The following PCDHGA9 variants were observed in gnomAD, a reference collection of about 807,000 sequenced individuals.
PCDHGA9 encodes protocadherin gamma-A9.
In PCDHGA9, 37 loss-of-function variants were observed where a neutral mutation model predicts 62.5. The observed-to-expected ratio is 0.59, with a 90% CI of 0.46 to 0.78. The LOEUF is 0.78. Ranked by LOEUF, PCDHGA9 falls within the 30% of genes least tolerant of loss-of-function variation. PCDHGA9 has a pLI of 0.00. For synonymous variants in PCDHGA9, 459 were observed against 484.6 expected (o/e 0.95, Z 0.69); for missense variants, 1,138 against 1,166.2 (o/e 0.98, Z 0.35).
At chr5:141,508,029 A>C (rs941166006) in intron 3 of PCDHGA9, 10 of 152,264 alleles carry the variant, frequency 6.6e-5, no homozygotes, top group African/African-American at 2.4e-4. Flanking sequence ...TGCGGTTTGC[A>C]GCTCAGCCAG....
chr5:141,478,671 A>G (rs996413401), intron 1 of PCDHGA9: 19 of 1,551,538 alleles, frequency 1.2e-5, no homozygotes, highest in Non-Finnish European at 1.7e-5. Context: ...TCACACTTTC[A>G]ACTGGCCCTT....
At position 141,431,906 on chromosome 5, in the gene PCDHGA9, A is replaced by G; in HGVS notation, c.2424+26530A>G. 1 of 1,613,868 alleles carries G rather than the reference A, an allele frequency of 6.2e-7. No individual in the cohort carries two copies. Among genetic ancestry groups the G allele is most frequent in the Non-Finnish European group, 8.5e-7 (1 of 1,179,692 alleles). On this transcript the variant is annotated intron_variant, in intron 1 of 3. Transcript: ENST00000573521. This position sits in a 1 kb window ranked among gnomAD's most constrained non-coding sequence, Gnocchi z 4.8. ...AGATTCTGAGGAAAACGGACAGGTG[A>G]TCTGTTTCATCCAAGGAAATCTGCC...
intron 1 of PCDHGA9, chr5:141,427,048 C>T (rs1257232583): frequency 4.4e-6 from 2 of 457,350 alleles, no homozygotes; most frequent in South Asian, 1.5e-5. Context: ...AATGTGCCCC[C>T]AGGCACCTCT....
intron 1 of PCDHGA9, chr5:141,415,943 T>A: frequency 1.8e-6 from 1 of 552,806 alleles, no homozygotes; most frequent in Non-Finnish European, 2.7e-6. Flanking sequence ...TCCTCCTGGG[T>A]GGTCACATAT....
At position 141,486,543 on chromosome 5, in the gene PCDHGA9, A is replaced by G; in HGVS notation, c.2425-8264A>G. Reference sequence around the variant, plus strand: ...AATGATAATCCACCCTCTTTCTTTCAGAGGTCACATGAGGTGTTTGTTCCT... The same window carrying G: ...AATGATAATCCACCCTCTTTCTTTCGGAGGTCACATGAGGTGTTTGTTCCT... On this transcript the variant is annotated intron_variant, in intron 1 of 3. Transcript: ENST00000573521. This position sits in a 1 kb window ranked among gnomAD's most constrained non-coding sequence, Gnocchi z 5.0. 6.2e-7 allele frequency: 1 copy of G among 1,614,080 alleles called. No individual in the cohort carries two copies. Among genetic ancestry groups the G allele is most frequent in the Non-Finnish European group, 8.5e-7 (1 of 1,180,020 alleles).
rs145936007 is a variant in PCDHGA9, at chr5:141,490,795, C to T, written c.2425-4012C>T. 2.0e-5 allele frequency: 33 copies of T among 1,614,036 alleles called. No homozygotes were observed. Among genetic ancestry groups the T allele is most frequent in the Non-Finnish European group, 2.8e-5 (33 of 1,179,922 alleles). ...CCCAGAGGATGGACGGATCTTTGCC[C>T]AGCGTACCTTTGACTATGAATTGCT... On this transcript the variant is annotated intron_variant, in intron 1 of 3. Coordinates refer to ENST00000573521, the MANE Select transcript of PCDHGA9 (RefSeq NM_018921.3). This position sits in a 1 kb window ranked among gnomAD's most constrained non-coding sequence, Gnocchi z 5.4.
chr5:141,422,499 A>G lies in PCDHGA9; in HGVS notation c.2424+17123A>G. 3 of 1,614,036 alleles carry G rather than the reference A, an allele frequency of 1.9e-6. No homozygotes were observed. The South Asian group carries it at 3.3e-5, about 18-fold the overall frequency. On this transcript the variant is annotated intron_variant, in intron 1 of 3. Coordinates refer to ENST00000573521, the MANE Select transcript of PCDHGA9 (RefSeq NM_018921.3). ...TCCAGAGCTACAATATAACGTTGAC[A>G]GCCACAGACCAGGGAAGCCCGCCTT...
rs181806844 is a variant in PCDHGA9 at position 141,445,046 on chromosome 5, G to T, written c.2424+39670G>T. Among the ~76,000 whole-genome samples the T allele has an allele frequency of 1.2e-4, 19 of 152,248 alleles. No individual in the cohort carries two copies. The East Asian group carries it at 3.7e-3, about 29-fold the overall frequency. ...TCAGCTATGTTGTATAGTTTTCAGT[G>T]TAGAGAGGTCATGTATATTTCTCAT... On this transcript the variant is annotated intron_variant, in intron 1 of 3. Transcript: ENST00000573521.
In PCDHGA9 at chr5:141,415,739, G is replaced by GTTT. The variant is rs1561759437; in HGVS notation, c.2424+10363_2424+10364insTTT. 6 of 435,150 alleles carry GTTT rather than the reference G, an allele frequency of 1.4e-5. No individual in the cohort carries two copies. The African/African-American group carries it at 1.6e-4, about 12-fold the overall frequency. 27.0% of individuals were successfully genotyped at this position (435,150 alleles called of 1,614,324 possible). ...ATGAGTAGAATTTGATGTTTATTAAGGTTTTTTTTTTTTTTTTTTTTTTTT... is the reference window on the plus strand; with the variant it reads ...ATGAGTAGAATTTGATGTTTATTAAGTTTGTTTTTTTTTTTTTTTTTTTTTTTT... On this transcript the variant is annotated intron_variant, in intron 1 of 3. Transcript: ENST00000573521.
Position 141,431,877 on chromosome 5 carries a change from AC to A in PCDHGA9, c.2424+26503del. 1 of 1,614,230 alleles carries A rather than the reference AC, an allele frequency of 6.2e-7. No individual in the cohort carries two copies. The highest frequency in any genetic ancestry group is 1.3e-5 in the African/African-American group (1 of 75,070). ...TTAATTGCCCTTTTAAATGTAAATGACCAAGATTCTGAGGAAAACGGACAGG... is the reference window on the plus strand; with the variant it reads ...TTAATTGCCCTTTTAAATGTAAATGACAAGATTCTGAGGAAAACGGACAGG... On this transcript the variant is annotated intron_variant, in intron 1 of 3. Coordinates refer to ENST00000573521, the MANE Select transcript of PCDHGA9 (RefSeq NM_018921.3). The surrounding 1 kb of genome is among the most constrained non-coding windows in gnomAD (Gnocchi z 4.8).
chr5:141,504,510 C>T (rs2099838864), intron 2 of PCDHGA9, among the ~76,000 whole-genome samples: 1 of 151,952 alleles, frequency 6.6e-6, no homozygotes, highest in Non-Finnish European at 1.5e-5. Context: ...GAGTGGATCT[C>T]CTCTGATATA....
chr5:141,458,409 G>C (rs188300064), intron 1 of PCDHGA9, among the ~76,000 whole-genome samples: 1 of 152,244 alleles, frequency 6.6e-6, no homozygotes, highest in African/African-American at 2.4e-5. Context: ...GAGACGGAGC[G>C]GGGGTTCCAA....
intron 1 of PCDHGA9, among the ~76,000 whole-genome samples, chr5:141,459,949 G>T (rs1284876601): frequency 2.0e-5 from 3 of 152,124 alleles, no homozygotes; most frequent in Non-Finnish European, 4.4e-5. Context: ...GTGATGGCAG[G>T]TGCCTGTAAT....
At chr5:141,422,716 G>A (rs1348237465) in intron 1 of PCDHGA9, 1 of 1,604,378 alleles carries the variant, frequency 6.2e-7, no homozygotes, top group Non-Finnish European at 8.5e-7. Flanking sequence ...GGATGACACT[G>A]TCCAGGGGGT....
chr5:141,415,336 C>T (rs746539261), intron 1 of PCDHGA9: 5 of 1,614,200 alleles, frequency 3.1e-6, no homozygotes, highest in South Asian at 2.2e-5. Flanking sequence ...GCACAGGCTG[C>T]GGCGCTGGCA....
intron 1 of PCDHGA9, among the ~76,000 whole-genome samples, chr5:141,435,951 G>C (rs371199258): frequency 3.9e-5 from 6 of 152,100 alleles, no homozygotes; most frequent in African/African-American, 1.4e-4. Flanking sequence ...ACCAAAAAAG[G>C]GGGCAAAATA....
intron 1 of PCDHGA9, among the ~76,000 whole-genome samples, chr5:141,420,868 G>C (rs1479734969): frequency 6.6e-6 from 1 of 152,222 alleles, no homozygotes; most frequent in Non-Finnish European, 1.5e-5. Context: ...GTCACATAAT[G>C]TAAGTATTGT....
chr5:141,438,681 G>T (rs2098050580), intron 1 of PCDHGA9, among the ~76,000 whole-genome samples: 1 of 142,154 alleles, frequency 7.0e-6, no homozygotes, highest in South Asian at 2.3e-4. Context: ...TGGAGTAGGG[G>T]ATGGAGTCTT....
rs1453835891 is a variant in PCDHGA9 at position 141,477,494 on chromosome 5, T to G, written c.2425-17313T>G. On this transcript the variant is annotated intron_variant, in intron 1 of 3. Coordinates refer to ENST00000573521, the MANE Select transcript of PCDHGA9 (RefSeq NM_018921.3). The surrounding 1 kb of genome is among the most constrained non-coding windows in gnomAD (Gnocchi z 4.9). ...TGACAACCCTCCACAATCTTCTCAA[T>G]CTTCCTACGACGTTTACATTGAAGA... 1 of 1,614,088 alleles carries G rather than the reference T, an allele frequency of 6.2e-7. No individual in the cohort carries two copies.
Sources: gnomAD v4.1 joint callset for allele counts (sites outside exome capture counted in the v4.1 genomes callset) on GRCh38, gnomAD v4.1.1 for gene constraint, Gnocchi (gnomAD v3.1) non-coding constraint, MANE v1.5 for transcripts, NCBI Gene and HGNC (gene_info 2026-07-23, HGNC 2026-07-21) for gene names.